The following NECTIN2 variants were observed in gnomAD, a reference collection of about 807,000 sequenced individuals.
NECTIN2 encodes nectin-2.
In NECTIN2, 23 loss-of-function variants were observed where a neutral mutation model predicts 56.9. The observed-to-expected ratio is 0.40, with a 90% CI of 0.29 to 0.57. The LOEUF is 0.57. NECTIN2 is among the 20% of genes least tolerant of loss of function. The pLI is 0.38. For missense variants in NECTIN2, 587 were observed against 718.3 expected (o/e 0.82, Z 2.09); for synonymous variants, 302 against 313.8 (o/e 0.96, Z 0.40).
At chr19:44,868,199 C>T (rs943591491) in intron 2 of NECTIN2, among the ~76,000 whole-genome samples, 3 of 146,536 alleles carry the variant, frequency 2.0e-5, no homozygotes, top group Non-Finnish European at 4.5e-5. Flanking sequence ...CCCATCTCTA[C>T]AAGAAAAAAA....
intron 5 of NECTIN2, among the ~76,000 whole-genome samples, chr19:44,876,809 G>A (rs991683777): frequency 6.6e-6 from 1 of 152,140 alleles, no homozygotes; most frequent in Admixed American, 6.5e-5. Flanking sequence ...TGAACTCCTG[G>A]CCTCAAAGCA....
At chr19:44,878,426 G>C (rs767986043) in intron 5 of NECTIN2, 1 of 1,581,672 alleles carries the variant, frequency 6.3e-7, no homozygotes, top group Non-Finnish European at 8.6e-7. Context: ...TCAGGTGTTG[G>C]GAAATGGGGA....
Position 44,865,278 on chromosome 19 carries a change from G to A in NECTIN2, c.96G>A (p.Gln32=). ...LLLLLLETGA[Q]DVRVQVLPEV... ...TCTGTCCTCTCTGCCCAGGAGCCCA[G>A]GATGTGCGAGTTCAAGTGCTACCCG... Residue 32 remains glutamine (Q), a synonymous_variant, in exon 2 of 9, where the codon CAG becomes CAA. Coordinates refer to ENST00000252483, the MANE Select transcript of NECTIN2 (RefSeq NM_001042724.2). This position sits in a 1 kb window ranked among gnomAD's most constrained non-coding sequence, Gnocchi z 5.2. The A allele has an allele frequency of 1.2e-6, 2 of 1,610,230 alleles. No homozygotes were observed. The highest frequency in any genetic ancestry group is 1.7e-6 in the Non-Finnish European group (2 of 1,177,530).
At chr19:44,873,229 C>T (rs560416700) in intron 3 of NECTIN2, among the ~76,000 whole-genome samples, 24 of 152,302 alleles carry the variant, frequency 1.6e-4, no homozygotes, top group African/African-American at 3.4e-4. Flanking sequence ...ACATGCATCA[C>T]GTGCGCCCAT....
At chr19:44,859,267 C>T (rs1049678672) in intron 1 of NECTIN2, among the ~76,000 whole-genome samples, 6 of 152,192 alleles carry the variant, frequency 3.9e-5, no homozygotes, top group African/African-American at 9.6e-5. Flanking sequence ...GTTTACTTAG[C>T]AAGCACTGAC....
chr19:44,885,919 C>T lies in NECTIN2; in HGVS notation c.1197-18C>T, dbSNP rs1170359367. 1.9e-6 allele frequency: 3 copies of T among 1,552,134 alleles called. No individual in the cohort carries two copies. Among genetic ancestry groups the T allele is most frequent in the Non-Finnish European group, 1.8e-6 (2 of 1,124,020 alleles). On this transcript the variant is annotated intron_variant, in intron 6 of 8. Transcript: ENST00000252483. ...GCCTGGGTCTTAATCTCCACTTGTC[C>T]TACCTCCTACCCCACAGCCTGGAGG...
Position 44,887,313 on chromosome 19 carries a change from C to T in NECTIN2, c.1348-797C>T, listed in dbSNP as rs562433830. Among the ~76,000 whole-genome samples the T allele has an allele frequency of 4.4e-3, 672 of 151,728 alleles. 8 individuals carry two copies. Among genetic ancestry groups the T allele is most frequent in the African/African-American group, 0.015 (639 of 41,310 alleles). ...GCAATGAGCTGAGACCACGCCACTG[C>T]ACTCCAGCCTAGGCAACAGAGCAAG... On this transcript the variant is annotated intron_variant, in intron 8 of 8. Transcript: ENST00000252483.
chr19:44,881,523 CAA>C (rs35949038), intron 5 of NECTIN2, among the ~76,000 whole-genome samples: 92 of 81,668 alleles, frequency 1.1e-3, no homozygotes, highest in Non-Finnish European at 1.6e-3. Context: ...CAAAAAAATT[CAA>C]AAAAAAAAAA....
rs1413547367 is a variant in NECTIN2 at position 44,865,415 on chromosome 19, A to G, written c.233A>G (p.Asn78Ser). 4 of 1,614,100 alleles carry G rather than the reference A, an allele frequency of 2.5e-6. No homozygotes were observed. In the East Asian group the frequency reaches 6.7e-5, roughly 27 times the overall value. Residue 78 changes from asparagine to serine, a missense_variant, in exon 2 of 9, where the codon AAC becomes AGC. Transcript: ENST00000252483. The surrounding 1 kb of genome is among the most constrained non-coding windows in gnomAD (Gnocchi z 5.2). ...VTWQRPDAPA[N>S]HQNVAAFHPK... ...TGGCAGCGCCCAGATGCACCTGCGA[A>G]CCACCAGAATGTGGCCGCCTTCCAC...
chr19:44,868,509 T>G (rs2122674544), intron 2 of NECTIN2, among the ~76,000 whole-genome samples: 1 of 147,890 alleles, frequency 6.8e-6, no homozygotes, highest in Non-Finnish European at 1.5e-5. Context: ...TCTCACTACA[T>G]TGTCCAGGCT....
At position 44,871,246 on chromosome 19, in the gene NECTIN2, C is replaced by T. The variant is rs112945884; in HGVS notation, c.479-607C>T. On this transcript the variant is annotated intron_variant, in intron 2 of 8. Transcript: ENST00000252483. ...CTGGCAGGGCGAAGAGACAGTATAC[C>T]GAAATGGCCAGGCCAGGCGCCTGTA... 7.9e-5 allele frequency among the ~76,000 whole-genome samples: 12 copies of T among 152,170 alleles called. 1 individual carries two copies. The highest frequency in any genetic ancestry group is 1.9e-4 in the African/African-American group (8 of 41,510).
intron 2 of NECTIN2, among the ~76,000 whole-genome samples, chr19:44,866,706 AAAGCCTTGTGGACTATAAG>A (rs1969105305): frequency 1.3e-5 from 2 of 152,240 alleles, no homozygotes; most frequent in South Asian, 4.1e-4. Flanking sequence ...CAGATTGGCA[AAAGCCTTGTGGACTATAAG>A]AAGCCTTTGG....
At chr19:44,869,517 C>T (rs1398652227) in intron 2 of NECTIN2, among the ~76,000 whole-genome samples, 5 of 142,888 alleles carry the variant, frequency 3.5e-5, no homozygotes, top group African/African-American at 1.3e-4. Context: ...GGCATGAACC[C>T]AGGAGGCGGA....
intron 5 of NECTIN2, among the ~76,000 whole-genome samples, chr19:44,879,172 T>C (rs1250809034): frequency 2.0e-5 from 3 of 151,994 alleles, no homozygotes; most frequent in African/African-American, 4.8e-5. Flanking sequence ...TTCAGGTCAC[T>C]GGATTGGGGA....
At chr19:44,882,680 C>A (rs1024485585) in intron 6 of NECTIN2, among the ~76,000 whole-genome samples, 5 of 141,458 alleles carry the variant, frequency 3.5e-5, no homozygotes, top group Non-Finnish European at 6.1e-5. Context: ...AGGAAGACTA[C>A]CCCCATCTAC....
chr19:44,878,724 A>G (rs1312137433), intron 5 of NECTIN2: 2 of 1,490,030 alleles, frequency 1.3e-6, no homozygotes, highest in Admixed American at 4.8e-5. Context: ...TCTGGACGAC[A>G]CTGGAGTGGA....
At chr19:44,878,531 C>T (rs1969269953) in intron 5 of NECTIN2, 3 of 1,613,946 alleles carry the variant, frequency 1.9e-6, no homozygotes, top group African/African-American at 2.7e-5. Context: ...AGAGAAAGGC[C>T]TCATGTTGCC....
rs550880966 is a variant in NECTIN2 at position 44,847,511 on chromosome 19, G to A, written c.88+898G>A. 1.3e-3 allele frequency among the ~76,000 whole-genome samples: 205 copies of A among 152,282 alleles called. 1 individual carries two copies. The highest frequency in any genetic ancestry group is 4.8e-3 in the African/African-American group (198 of 41,554). ...TTCTGAGATCCAAACAGAAGTGCGA[G>A]CAGCGGGCCCCGTCTCTTGGGCTCC... On this transcript the variant is annotated intron_variant, in intron 1 of 8. Transcript: ENST00000252483.
rs991367935 is a variant in NECTIN2 at position 44,846,652 on chromosome 19, C to A, written c.88+39C>A. The A allele has an allele frequency of 4.6e-6, 7 of 1,512,108 alleles. No homozygotes were observed. The African/African-American group carries it at 1.0e-4, about 22-fold the overall frequency. 93.7% of individuals were successfully genotyped at this position (1,512,108 alleles called of 1,614,324 possible). A position where few individuals can be genotyped will look rare whatever the true frequency, so the allele number is the denominator to read the frequency against. On this transcript the variant is annotated intron_variant, in intron 1 of 8. Transcript: ENST00000252483. ...ACGGCCCCCTGCCCTCGCGCGGACCCCCTCCAACCTTACCTTCCGAGCTGG... is the reference window on the plus strand; with the variant it reads ...ACGGCCCCCTGCCCTCGCGCGGACCACCTCCAACCTTACCTTCCGAGCTGG...
Sources: allele counts gnomAD v4.1 joint callset (sites outside exome capture counted in the v4.1 genomes callset), GRCh38; gene constraint gnomAD v4.1.1; non-coding constraint Gnocchi (gnomAD v3.1); transcripts MANE v1.5; gene names NCBI Gene and HGNC (gene_info 2026-07-23, HGNC 2026-07-21).